Variants in CLDN11 observed in about 807,000 individuals in gnomAD.
CLDN11 encodes claudin-11.
Under a neutral mutation model 18.0 loss-of-function variants are expected in CLDN11, and 1 was observed. That is an observed-to-expected ratio of 0.06 (90% CI 0.02 to 0.26). CLDN11 has a LOEUF of 0.26. Ranked by LOEUF, CLDN11 falls within the 10% of genes least tolerant of loss-of-function variation. The probability of loss-of-function intolerance (pLI) is 1.00; values close to 1 mark genes in which losing one functional copy is unlikely to be tolerated. For missense variants in CLDN11, 172 were observed against 276.6 expected (o/e 0.62, Z 2.68); for synonymous variants, 116 against 121.5 (o/e 0.96, Z 0.30).
intron 2 of CLDN11, among the ~76,000 whole-genome samples, chr3:170,424,010 CAG>C (rs1031009308): frequency 1.7e-5 from 2 of 117,048 alleles, no homozygotes; most frequent in African/African-American, 6.7e-5. Context: ...TCCTGGGTGA[CAG>C]AGTGCAACTC....
At chr3:170,430,942 C>G (rs115051773) in intron 2 of CLDN11, among the ~76,000 whole-genome samples, 262 of 152,298 alleles carry the variant, frequency 1.7e-3, no homozygotes, top group African/African-American at 5.9e-3. Flanking sequence ...CAAATTAACT[C>G]TCTTCCTTCT....
intron 2 of CLDN11, among the ~76,000 whole-genome samples, chr3:170,430,197 T>A (rs1209238485): frequency 6.6e-6 from 1 of 152,208 alleles, no homozygotes; most frequent in Non-Finnish European, 1.5e-5. Context: ...AGAAGAGGAT[T>A]TTAGTCCCTT....
At chr3:170,424,012 G>T (rs1475731536) in intron 2 of CLDN11, among the ~76,000 whole-genome samples, 3 of 124,426 alleles carry the variant, frequency 2.4e-5, no homozygotes, top group Non-Finnish European at 4.9e-5. Context: ...CTGGGTGACA[G>T]AGTGCAACTC....
intron 2 of CLDN11, among the ~76,000 whole-genome samples, chr3:170,427,843 G>C (rs1280433642): frequency 6.6e-6 from 1 of 150,952 alleles, no homozygotes; most frequent in African/African-American, 2.4e-5. Flanking sequence ...CCTTTCAGTG[G>C]GAAGTGACAA....
intron 2 of CLDN11, among the ~76,000 whole-genome samples, chr3:170,431,263 T>A (rs879905854): frequency 3.9e-5 from 6 of 152,160 alleles, no homozygotes; most frequent in Non-Finnish European, 4.4e-5. Context: ...GCTTGCTGAG[T>A]TGAAAGTGAT....
chr3:170,429,028 C>T (rs1738935380), intron 2 of CLDN11, among the ~76,000 whole-genome samples: 1 of 152,074 alleles, frequency 6.6e-6, no homozygotes, highest in Non-Finnish European at 1.5e-5. Flanking sequence ...TATTTTTGGC[C>T]AGTTATATTA....
At position 170,431,592 on chromosome 3, in the gene CLDN11, A is replaced by C. The variant is rs145154234; in HGVS notation, c.392-932A>C. Among the ~76,000 whole-genome samples, 550 of 152,316 alleles carry C rather than the reference A, an allele frequency of 3.6e-3. 3 individuals carry two copies. Among genetic ancestry groups the C allele is most frequent in the African/African-American group, 0.013 (529 of 41,570 alleles). ...CCACTCCATTTGACAGTGCTGGTCT[A>C]GAGATTTGAAAAAAGTAAAAAAAAG... On this transcript the variant is annotated intron_variant, in intron 2 of 2. Coordinates refer to ENST00000064724, the MANE Select transcript of CLDN11 (RefSeq NM_005602.6).
At chr3:170,423,446 G>T in intron 2 of CLDN11, 119 bp downstream of exon 2, 7 of 1,078,974 alleles carry the variant, frequency 6.5e-6, no homozygotes, top group Non-Finnish European at 8.2e-6. Context: ...TGAAGCCAGT[G>T]GGGGATGGAC....
chr3:170,430,394 C>T (rs1487232058), intron 2 of CLDN11, among the ~76,000 whole-genome samples: 1 of 152,190 alleles, frequency 6.6e-6, no homozygotes, highest in Non-Finnish European at 1.5e-5. Context: ...GTACACACTG[C>T]TTTTCTTGAA....
At chr3:170,423,091 C>A in intron 1 of CLDN11, 72 bp from the exon 2 acceptor site, 1 of 1,515,408 alleles carries the variant, frequency 6.6e-7, no homozygotes. Context: ...GTGCTGAATT[C>A]CCCTAAGGCA....
intron 2 of CLDN11, among the ~76,000 whole-genome samples, chr3:170,432,323 A>T (rs565632609): frequency 1.3e-3 from 200 of 152,244 alleles, no homozygotes; most frequent in African/African-American, 4.7e-3. Context: ...TGCTGAAAAA[A>T]ATAAGGACCC....
chr3:170,429,459 T>A (rs952050960), intron 2 of CLDN11, among the ~76,000 whole-genome samples: 35 of 152,216 alleles, frequency 2.3e-4, no homozygotes, highest in Non-Finnish European at 1.2e-4. Context: ...ACTTTGGGTG[T>A]CAGTTTTGGT....
At chr3:170,427,172 C>G (rs1245064298) in intron 2 of CLDN11, among the ~76,000 whole-genome samples, 1 of 152,190 alleles carries the variant, frequency 6.6e-6, no homozygotes, top group Non-Finnish European at 1.5e-5. Context: ...CTTCATCTTT[C>G]CACTTCTCCA....
Position 170,432,449 on chromosome 3 carries a change from T to C in CLDN11, c.392-75T>C, listed in dbSNP as rs149945748. 9.1e-5 allele frequency: 146 copies of C among 1,596,100 alleles called. No homozygotes were observed. The African/African-American group carries it at 1.1e-3, about 12-fold the overall frequency. On this transcript the variant is annotated intron_variant, in intron 2 of 2. Coordinates refer to ENST00000064724, the MANE Select transcript of CLDN11 (RefSeq NM_005602.6). ...GTTGGAAGCCACAAGTGTGTGTATGTGGAGTGAGTGGGCCTGCCCAAGTGC... is the reference window on the plus strand; with the variant it reads ...GTTGGAAGCCACAAGTGTGTGTATGCGGAGTGAGTGGGCCTGCCCAAGTGC...
At position 170,419,745 on chromosome 3, in the gene CLDN11, C is replaced by G. The variant is rs941451209; in HGVS notation, c.226+453C>G. Among the ~76,000 whole-genome samples the G allele has an allele frequency of 6.6e-6, 1 of 152,260 alleles. No individual in the cohort carries two copies. The highest frequency in any genetic ancestry group is 6.5e-5 in the Admixed American group (1 of 15,294). On this transcript the variant is annotated intron_variant, in intron 1 of 2. Coordinates refer to ENST00000064724, the MANE Select transcript of CLDN11 (RefSeq NM_005602.6). This position sits in a 1 kb window ranked among gnomAD's most constrained non-coding sequence, Gnocchi z 8.6. ...ACACAAGCTGACAGGAGAATCGAAC[C>G]GGCTCAGGCTGAGTTTCTCGGTCCT...
At position 170,421,029 on chromosome 3, in the gene CLDN11, T is replaced by C. The variant is rs112400408; in HGVS notation, c.226+1737T>C. Reference sequence around the variant, plus strand: ...CTGGGCATGGTATTTGTAGGGATCTTTGAAGCATAAAATTAACTTTGTTTT... The same window carrying C: ...CTGGGCATGGTATTTGTAGGGATCTCTGAAGCATAAAATTAACTTTGTTTT... On this transcript the variant is annotated intron_variant, in intron 1 of 2. Coordinates refer to ENST00000064724, the MANE Select transcript of CLDN11 (RefSeq NM_005602.6). Among the ~76,000 whole-genome samples the C allele has an allele frequency of 4.6e-3, 703 of 152,208 alleles. 5 individuals are homozygous for C. Among genetic ancestry groups the C allele is most frequent in the African/African-American group, 0.016 (683 of 41,558 alleles).
intron 2 of CLDN11, among the ~76,000 whole-genome samples, chr3:170,424,323 C>G (rs1738793716): frequency 6.6e-6 from 1 of 152,166 alleles, no homozygotes; most frequent in African/African-American, 2.4e-5. Context: ...CTAACCCAGA[C>G]TGGATGAGTT....
intron 2 of CLDN11, among the ~76,000 whole-genome samples, chr3:170,427,515 G>A (rs1207817686): frequency 6.6e-6 from 1 of 152,064 alleles, no homozygotes; most frequent in Non-Finnish European, 1.5e-5. Flanking sequence ...CTGCTACTTG[G>A]GAGGCTGAGG....
chr3:170,429,370 G>T (rs1010077112), intron 2 of CLDN11, among the ~76,000 whole-genome samples: 15 of 152,184 alleles, frequency 9.9e-5, no homozygotes, highest in Admixed American at 3.9e-4. Flanking sequence ...TGTGTGAATT[G>T]TAAGAGAAGG....
Sources: gnomAD v4.1 joint callset for allele counts (sites outside exome capture counted in the v4.1 genomes callset) on GRCh38, gnomAD v4.1.1 for gene constraint, Gnocchi (gnomAD v3.1) non-coding constraint, MANE v1.5 for transcripts, NCBI Gene and HGNC (gene_info 2026-07-23, HGNC 2026-07-21) for gene names.